Variants in DAGLB observed in about 807,000 individuals in gnomAD.
DAGLB encodes diacylglycerol lipase beta, also known as diacylglycerol lipase-beta.
Under a neutral mutation model 72.1 loss-of-function variants are expected in DAGLB, and 66 were observed. That is an observed-to-expected ratio of 0.92 (90% CI 0.75 to 1.12). DAGLB has a LOEUF of 1.12. Among genes scored for constraint, DAGLB ranks in the 50% most tolerant of loss-of-function variants. DAGLB has a pLI of 0.00. For synonymous variants in DAGLB, 414 were observed against 359.5 expected, an observed-to-expected ratio of 1.15 and a Z score of -1.71; for missense variants, 1,065 against 884.9, an observed-to-expected ratio of 1.20 and a Z score of -2.58.
chr7:6,427,067 C>A (rs1165410702), intron 6 of DAGLB, among the ~76,000 whole-genome samples: 1 of 152,130 alleles, frequency 6.6e-6, no homozygotes, highest in African/African-American at 2.4e-5. Context: ...GAGATCGCGC[C>A]ACTGCACTCC....
intron 7 of DAGLB, 148 bp from the exon 8 acceptor site, chr7:6,424,983 A>G: frequency 1.4e-6 from 1 of 714,766 alleles, no homozygotes; most frequent in Non-Finnish European, 2.5e-6. Flanking sequence ...CGCTCACTAC[A>G]CAGTGGGACC....
chr7:6,446,250 C>G, intron 1 of DAGLB, 146 bp from the exon 2 acceptor site: 2 of 623,218 alleles, frequency 3.2e-6, no homozygotes, highest in Non-Finnish European at 4.8e-6. Context: ...GGGCGGATCA[C>G]AAGGTCAGGA....
intron 13 of DAGLB, chr7:6,412,486 G>T: frequency 1.5e-5 from 4 of 272,430 alleles, no homozygotes; most frequent in Non-Finnish European, 2.8e-5. Flanking sequence ...TTAGAATAGA[G>T]ACAGGGTCTT....
chr7:6,435,170 G>A (rs1045954894), intron 3 of DAGLB, 150 bp from the exon 4 acceptor site: 6 of 1,180,928 alleles, frequency 5.1e-6, no homozygotes, highest in Non-Finnish European at 7.0e-6. Flanking sequence ...GAACCTGCCT[G>A]AGGCAAGCAA....
chr7:6,412,795 C>A lies in DAGLB; in HGVS notation c.1569+16G>T, dbSNP rs1479367397. ...CCCCGTGTCCTGCTGACCCTCTCAA[C>A]AAGGCACCCGCTTACCTTGGGTTTA... On this transcript the variant is annotated intron_variant, in intron 13 of 14. Coordinates refer to ENST00000297056, the MANE Select transcript of DAGLB (RefSeq NM_139179.4). 3 of 1,572,368 alleles carry A rather than the reference C, an allele frequency of 1.9e-6. No individual in the cohort carries two copies. The highest frequency in any genetic ancestry group is 2.7e-5 in the African/African-American group (2 of 74,260).
intron 6 of DAGLB, among the ~76,000 whole-genome samples, chr7:6,428,239 G>C (rs914618043): frequency 1.3e-5 from 2 of 149,822 alleles, no homozygotes; most frequent in African/African-American, 4.9e-5. Context: ...CCAGCTACTC[G>C]GGAGGCTGAG....
chr7:6,419,280 G>A (rs1018915250), intron 9 of DAGLB, among the ~76,000 whole-genome samples: 1 of 152,052 alleles, frequency 6.6e-6, no homozygotes, highest in Admixed American at 6.6e-5. Context: ...ACAGGTGTGA[G>A]CCACTGCACC....
intron 2 of DAGLB, among the ~76,000 whole-genome samples, chr7:6,440,096 A>C (rs1784782635): frequency 6.6e-6 from 1 of 151,714 alleles, no homozygotes; most frequent in African/African-American, 2.4e-5. Flanking sequence ...CACAGTATCA[A>C]AGTTTTCCTC....
intron 9 of DAGLB, chr7:6,417,557 AT>A (rs1783960825): frequency 6.6e-6 from 1 of 152,216 alleles, no homozygotes; most frequent in African/African-American, 2.4e-5. Flanking sequence ...GGCTGGTCAG[AT>A]TTAGACTTTT....
At chr7:6,420,149 A>G (rs1784063763) in intron 9 of DAGLB, among the ~76,000 whole-genome samples, 1 of 152,018 alleles carries the variant, frequency 6.6e-6, no homozygotes, top group Non-Finnish European at 1.5e-5. Flanking sequence ...CCTGTCTCAG[A>G]AACAAAAACA....
chr7:6,416,834 A>G lies in DAGLB; in HGVS notation c.1299+7T>C. 3 of 1,614,220 alleles carry G rather than the reference A, an allele frequency of 1.9e-6. No individual in the cohort carries two copies. Among genetic ancestry groups the G allele is most frequent in the Non-Finnish European group, 2.5e-6 (3 of 1,180,044 alleles). ...GACAAGGAAAGAAACGTTAACTAAG[A>G]TCTCACAGGAGCAATGCTGAAGGCT... On this transcript the variant is annotated splice_region_variant and intron_variant, in intron 10 of 14. Transcript: ENST00000297056.
At chr7:6,437,176 T>G (rs1424350705) in intron 2 of DAGLB, among the ~76,000 whole-genome samples, 1 of 137,290 alleles carries the variant, frequency 7.3e-6, no homozygotes, top group Non-Finnish European at 1.6e-5. Flanking sequence ...ATAATAATAA[T>G]AATAATAATA....
chr7:6,421,939 T>C, intron 8 of DAGLB, 135 bp from the exon 9 acceptor site: 7 of 978,398 alleles, frequency 7.2e-6, no homozygotes, highest in African/African-American at 1.6e-5. Context: ...GTCCTGGGAC[T>C]GAACCCTAAA....
intron 5 of DAGLB, among the ~76,000 whole-genome samples, chr7:6,431,583 C>T (rs541457885): frequency 6.6e-6 from 1 of 152,080 alleles, no homozygotes; most frequent in Admixed American, 6.6e-5. Flanking sequence ...AACAGCCTGG[C>T]CAACACGGTG....
chr7:6,412,533 G>A (rs1044238751), intron 13 of DAGLB: 2 of 449,740 alleles, frequency 4.4e-6, no homozygotes, highest in Non-Finnish European at 8.1e-6. Context: ...GGATCCTCCT[G>A]CCTTGGCCTC....
chr7:6,424,689 G>A, intron 8 of DAGLB, 63 bp downstream of exon 8: 2 of 1,507,346 alleles, frequency 1.3e-6, no homozygotes, highest in Admixed American at 1.7e-5. Context: ...CCCCAGCCGA[G>A]CAGCTGTGGG....
At position 6,410,485 on chromosome 7, in the gene DAGLB, C is replaced by A. The variant is rs967928227; in HGVS notation, c.1570-105G>T. The A allele has an allele frequency of 6.1e-6, 9 of 1,477,546 alleles. No individual in the cohort carries two copies. In the African/African-American group the frequency reaches 9.9e-5, roughly 16 times the overall value. 91.5% of individuals were successfully genotyped at this position (1,477,546 alleles called of 1,614,324 possible). On this transcript the variant is annotated intron_variant, in intron 13 of 14. Coordinates refer to ENST00000297056, the MANE Select transcript of DAGLB (RefSeq NM_139179.4). ...AGGCACAGGAATCTGCCCTTTGACC[C>A]AGAAACCCCGCTTGGAAGACTCCAG... is the stretch of plus-strand genomic sequence containing the variant.
chr7:6,425,875 G>T (rs1387092502), intron 7 of DAGLB, 113 bp downstream of exon 7: 5 of 1,523,710 alleles, frequency 3.3e-6, no homozygotes, highest in African/African-American at 2.7e-5. Flanking sequence ...GGACTTAGAA[G>T]TGTGTTTGTG....
chr7:6,420,895 A>T (rs1784091988), intron 9 of DAGLB, among the ~76,000 whole-genome samples: 1 of 152,180 alleles, frequency 6.6e-6, no homozygotes, highest in East Asian at 1.9e-4. Context: ...AGAATATGTG[A>T]ATGACCCGGC....
Sources: allele counts gnomAD v4.1 joint callset (sites outside exome capture counted in the v4.1 genomes callset), GRCh38; gene constraint gnomAD v4.1.1; transcripts MANE v1.5; gene names NCBI Gene and HGNC (gene_info 2026-07-23, HGNC 2026-07-21).